The following TRPM3 variants were observed in gnomAD, a reference collection of about 807,000 sequenced individuals.
The protein encoded by TRPM3 is transient receptor potential cation channel subfamily M member 3.
TRPM3 carries 77 observed loss-of-function variants against 181.2 expected under a neutral mutation model. That is an observed-to-expected ratio of 0.42 (90% CI 0.35 to 0.51). The LOEUF is 0.51. TRPM3 is among the 20% of genes least tolerant of loss of function. The pLI, the probability that TRPM3 is intolerant of heterozygous loss-of-function variation, is 0.01. For missense variants in TRPM3, 1,759 were observed against 2,196.7 expected (o/e 0.80, Z 3.98); for synonymous variants, 745 against 796.4 (o/e 0.94, Z 1.09).
chr9:70,834,428 G>A lies in TRPM3; in HGVS notation c.802-6410C>T, dbSNP rs554708470. Among the ~76,000 whole-genome samples, 9 of 152,248 alleles carry A rather than the reference G, an allele frequency of 5.9e-5. No individual in the cohort carries two copies. In the East Asian group the frequency reaches 1.7e-3, roughly 29 times the overall value. On this transcript the variant is annotated intron_variant, in intron 5 of 25. Coordinates refer to ENST00000677713, the MANE Select transcript of TRPM3 (RefSeq NM_001366145.2). ...AAAAGGCTGTTGAGTTCTGAAAGAC[G>A]GTTACATCCTTTAGAAATCACCATG...
At position 71,322,479 on chromosome 9, in the gene TRPM3, A is replaced by T. The variant is rs566127377; in HGVS notation, c.183+124174T>A. Among the ~76,000 whole-genome samples the T allele has an allele frequency of 6.6e-5, 10 of 152,290 alleles. No homozygotes were observed. In the East Asian group the frequency reaches 9.6e-4, roughly 15 times the overall value. On this transcript the variant is annotated intron_variant, in intron 1 of 24. Transcript: ENST00000357533. ...CTTGATATATTATTCCATAAATAAC[A>T]TCTCATCCAGTCATACTGCCTCAGG... is the stretch of plus-strand genomic sequence containing the variant.
intron 17 of TRPM3, among the ~76,000 whole-genome samples, chr9:70,616,669 C>A (rs114364381): frequency 6.6e-6 from 1 of 151,604 alleles, no homozygotes; most frequent in Non-Finnish European, 1.5e-5. Context: ...GTATTTGCTA[C>A]GAGAACAGCA....
At chr9:70,789,657 A>G (rs75385781) in intron 6 of TRPM3, among the ~76,000 whole-genome samples, 4,188 of 152,346 alleles carry the variant, frequency 0.027, 95 homozygotes, top group Middle Eastern at 0.071. Flanking sequence ...AAGCAGGAAT[A>G]GGCAAGATGC....
At chr9:71,332,771 T>C (rs1385864951) in intron 1 of TRPM3, among the ~76,000 whole-genome samples, 1 of 151,544 alleles carries the variant, frequency 6.6e-6, no homozygotes, top group Non-Finnish European at 1.5e-5. Flanking sequence ...TAACAACACA[T>C]TTAGAAAAAT....
At chr9:71,424,445 G>A (rs1238540989) in intron 1 of TRPM3, among the ~76,000 whole-genome samples, 1 of 152,052 alleles carries the variant, frequency 6.6e-6, no homozygotes, top group African/African-American at 2.4e-5. Flanking sequence ...AATGAGACAT[G>A]TTCTCCTCTG....
intron 1 of TRPM3, among the ~76,000 whole-genome samples, chr9:71,198,849 C>G (rs573765531): frequency 8.2e-6 from 1 of 121,982 alleles, no homozygotes; most frequent in East Asian, 2.6e-4. Flanking sequence ...CTTTTCCTAA[C>G]TGAATACCCT....
chr9:70,962,306 A>T (rs1590111570), intron 1 of TRPM3, among the ~76,000 whole-genome samples: 1 of 152,158 alleles, frequency 6.6e-6, no homozygotes, highest in East Asian at 1.9e-4. Flanking sequence ...AAATCCACAG[A>T]TGATAATCTT....
At chr9:70,850,468 C>G (rs756148874) in intron 3 of TRPM3, among the ~76,000 whole-genome samples, 3 of 152,106 alleles carry the variant, frequency 2.0e-5, no homozygotes, top group African/African-American at 4.8e-5. Flanking sequence ...CAGAAGAACA[C>G]TTTGGAGGTG....
At chr9:70,818,564 T>G (rs1187037393) in intron 6 of TRPM3, among the ~76,000 whole-genome samples, 1 of 152,162 alleles carries the variant, frequency 6.6e-6, no homozygotes, top group Non-Finnish European at 1.5e-5. Context: ...TGAGCACATT[T>G]CTGGAGTCCC....
intron 12 of TRPM3, among the ~76,000 whole-genome samples, chr9:70,627,961 A>C (rs1406002933): frequency 6.6e-6 from 1 of 152,234 alleles, no homozygotes; most frequent in African/African-American, 2.4e-5. Flanking sequence ...CTTTATGCAA[A>C]GCATGGCAAA....
chr9:71,370,375 T>C (rs945213902), intron 1 of TRPM3, among the ~76,000 whole-genome samples: 12 of 151,914 alleles, frequency 7.9e-5, no homozygotes, highest in Non-Finnish European at 1.8e-4. Flanking sequence ...AAGGAAAAGT[T>C]CTTGAAAAAA....
chr9:70,984,913 C>T (rs2097403714), intron 1 of TRPM3, among the ~76,000 whole-genome samples: 1 of 152,222 alleles, frequency 6.6e-6, no homozygotes, highest in Admixed American at 6.5e-5. Flanking sequence ...ATTTACCTTG[C>T]AGAATATGAG....
At chr9:71,108,232 G>A (rs1414597002) in intron 1 of TRPM3, among the ~76,000 whole-genome samples, 1 of 152,142 alleles carries the variant, frequency 6.6e-6, no homozygotes, top group Non-Finnish European at 1.5e-5. Flanking sequence ...TTAGCAAAAG[G>A]TATAGAAAAA....
At chr9:71,074,288 C>T (rs1417091018) in intron 1 of TRPM3, among the ~76,000 whole-genome samples, 1 of 152,114 alleles carries the variant, frequency 6.6e-6, no homozygotes, top group African/African-American at 2.4e-5. Flanking sequence ...CTGAATAAAC[C>T]AGTTACTAAG....
At chr9:70,844,343 T>C (rs2094850834) in intron 4 of TRPM3, among the ~76,000 whole-genome samples, 1 of 152,220 alleles carries the variant, frequency 6.6e-6, no homozygotes, top group South Asian at 2.1e-4. Context: ...TGGCCATTAA[T>C]CATGTTGAGC....
At position 70,863,126 on chromosome 9, in the gene TRPM3, G is replaced by A. The variant is rs1488626236; in HGVS notation, c.258-14C>T. On this transcript the variant is annotated splice_polypyrimidine_tract_variant and intron_variant, in intron 2 of 25. Transcript: ENST00000677713. ...CCACAGCAACACCTATAACAGAAGA[G>A]GTTAAAGTGAACCCCTGGTATTAGT... 2 of 1,608,878 alleles carry A rather than the reference G, an allele frequency of 1.2e-6. No individual in the cohort carries two copies. Among genetic ancestry groups the A allele is most frequent in the Non-Finnish European group, 8.5e-7 (1 of 1,176,600 alleles).
chr9:70,646,692 A>G (rs2058905647), intron 9 of TRPM3, among the ~76,000 whole-genome samples: 1 of 152,088 alleles, frequency 6.6e-6, no homozygotes, highest in Admixed American at 6.5e-5. Flanking sequence ...TGTTCTGCAC[A>G]TGTATCCCAG....
intron 1 of TRPM3, among the ~76,000 whole-genome samples, chr9:70,889,034 A>G (rs2096145502): frequency 6.6e-6 from 1 of 152,186 alleles, no homozygotes; most frequent in Non-Finnish European, 1.5e-5. Flanking sequence ...GTAGTAATTA[A>G]CATTGCCAAC....
chr9:70,848,548 C>T (rs1210322068), intron 3 of TRPM3, among the ~76,000 whole-genome samples: 1 of 152,130 alleles, frequency 6.6e-6, no homozygotes, highest in Non-Finnish European at 1.5e-5. Context: ...TCACATGTAA[C>T]ACCAAAGGGA....
Sources: gnomAD v4.1 joint callset for allele counts (sites outside exome capture counted in the v4.1 genomes callset) on GRCh38, gnomAD v4.1.1 for gene constraint, MANE v1.5 for transcripts, NCBI Gene and HGNC (gene_info 2026-07-23, HGNC 2026-07-21) for gene names.